The following CSMD3 variants were observed in gnomAD, a reference collection of about 807,000 sequenced individuals.
CSMD3 encodes CUB and sushi domain-containing protein 3.
Under a neutral mutation model 435.2 loss-of-function variants are expected in CSMD3, and 177 were observed. The observed-to-expected ratio is 0.41, with a 90% CI of 0.36 to 0.46. CSMD3 has a LOEUF of 0.46. CSMD3 is among the 20% of genes least tolerant of loss of function. CSMD3 has a pLI of 0.34. For synonymous variants in CSMD3, 1,656 were observed against 1,520.5 expected (o/e 1.09, Z -2.07); for missense variants, 4,265 against 4,504.6 (o/e 0.95, Z 1.52).
intron 10 of CSMD3, among the ~76,000 whole-genome samples, chr8:112,916,004 A>G (rs945942600): frequency 3.3e-5 from 5 of 151,798 alleles, no homozygotes; most frequent in African/African-American, 9.7e-5. Flanking sequence ...TCCCTTATCA[A>G]CTTACAAATA....
At chr8:112,913,878 T>C (rs1185287602) in intron 10 of CSMD3, among the ~76,000 whole-genome samples, 2 of 151,904 alleles carry the variant, frequency 1.3e-5, no homozygotes, top group Non-Finnish European at 2.9e-5. Flanking sequence ...GGTTCCTTAA[T>C]CGTCTTTGAA....
chr8:113,372,951 A>AC (rs1367965394), intron 1 of CSMD3, among the ~76,000 whole-genome samples: 1 of 151,818 alleles, frequency 6.6e-6, no homozygotes, highest in Non-Finnish European at 1.5e-5. Context: ...AAAAAAAAAA[A>AC]AAAAGAAAGA....
intron 1 of CSMD3, among the ~76,000 whole-genome samples, chr8:113,419,223 A>T (rs1355048564): frequency 6.7e-6 from 1 of 148,886 alleles, no homozygotes; most frequent in Non-Finnish European, 1.5e-5. Flanking sequence ...GATTCAATTG[A>T]TTCTCCTGCC....
intron 61 of CSMD3, among the ~76,000 whole-genome samples, chr8:112,258,701 C>T (rs909283132): frequency 4.6e-5 from 7 of 152,170 alleles, no homozygotes; most frequent in Admixed American, 1.3e-4. Flanking sequence ...AGTTCAACCA[C>T]TGTGGAAGAC....
intron 32 of CSMD3, among the ~76,000 whole-genome samples, chr8:112,467,713 G>A (rs910248150): frequency 6.6e-6 from 1 of 152,100 alleles, no homozygotes; most frequent in Non-Finnish European, 1.5e-5. Flanking sequence ...CATTATAAGA[G>A]CAAGAAAAAA....
intron 4 of CSMD3, among the ~76,000 whole-genome samples, chr8:113,164,179 G>A (rs1051000935): frequency 1.3e-5 from 2 of 151,734 alleles, no homozygotes; most frequent in Non-Finnish European, 2.9e-5. Flanking sequence ...CCTTGCTCTT[G>A]GTTTCATCTT....
intron 29 of CSMD3, among the ~76,000 whole-genome samples, chr8:112,504,885 C>G (rs1442632379): frequency 6.6e-6 from 1 of 152,078 alleles, no homozygotes; most frequent in Non-Finnish European, 1.5e-5. Flanking sequence ...GAAAAGTCAA[C>G]CAGTTTATGA....
chr8:112,552,489 A>AAAAC, intron 26 of CSMD3, 105 bp downstream of exon 26: 3 of 1,232,118 alleles, frequency 2.4e-6, no homozygotes, highest in Non-Finnish European at 3.4e-6. Flanking sequence ...TGCCTCAAGA[A>AAAAC]AAACAAACAA....
chr8:112,265,319 A>T, intron 60 of CSMD3, 92 bp downstream of exon 60: 1 of 881,962 alleles, frequency 1.1e-6, no homozygotes, highest in Non-Finnish European at 1.6e-6. Flanking sequence ...GAACTAAAAA[A>T]TTTTATTTAA....
At chr8:112,602,566 C>CAAAAAAAAAAAAA in intron 22 of CSMD3, among the ~76,000 whole-genome samples, 1 of 125,082 alleles carries the variant, frequency 8.0e-6, no homozygotes, top group Admixed American at 8.3e-5. Flanking sequence ...AACTCTGTCT[C>CAAAAAAAAAAAAA]AAAAAAAAAA....
chr8:113,126,076 G>A (rs778211066), intron 4 of CSMD3, among the ~76,000 whole-genome samples: 6 of 151,854 alleles, frequency 4.0e-5, no homozygotes, highest in Non-Finnish European at 2.9e-5. Flanking sequence ...TAATACTAAC[G>A]CACTTGAGAG....
chr8:113,142,717 T>A (rs1298089777), intron 4 of CSMD3, among the ~76,000 whole-genome samples: 1 of 151,034 alleles, frequency 6.6e-6, no homozygotes, highest in African/African-American at 2.4e-5. Context: ...AATAATTTAC[T>A]GTACATTTTA....
chr8:112,248,503 G>A (rs745332614), intron 63 of CSMD3, among the ~76,000 whole-genome samples: 29 of 152,078 alleles, frequency 1.9e-4, no homozygotes, highest in Non-Finnish European at 3.8e-4. Flanking sequence ...GATTAGAGGT[G>A]GAGGATGAGA....
At chr8:112,649,770 C>G (rs1416199904) in intron 19 of CSMD3, among the ~76,000 whole-genome samples, 2 of 152,172 alleles carry the variant, frequency 1.3e-5, no homozygotes, top group African/African-American at 2.4e-5. Context: ...GGCTGGCCTT[C>G]TATTTGAACT....
intron 38 of CSMD3, among the ~76,000 whole-genome samples, chr8:112,378,032 C>T (rs781545894): frequency 2.2e-3 from 338 of 151,936 alleles, no homozygotes; most frequent in Non-Finnish European, 3.3e-3. Context: ...AAAAGGCATC[C>T]AAGTGAAAAA....
At chr8:112,510,128 C>T (rs1352070676) in intron 28 of CSMD3, among the ~76,000 whole-genome samples, 4 of 152,136 alleles carry the variant, frequency 2.6e-5, no homozygotes, top group African/African-American at 7.2e-5. Context: ...TATTTTCAAC[C>T]GGTCCTTCTT....
chr8:113,292,851 TAAAAATATGAAAACAGAGA>T lies in CSMD3; in HGVS notation c.402-14166_402-14148del, dbSNP rs547694677. On this transcript the variant is annotated intron_variant, in intron 2 of 70. Coordinates refer to ENST00000297405, the MANE Select transcript of CSMD3 (RefSeq NM_198123.2). ...CCTAATAAAAAATGAACTAATATGT[TAAAAATATGAAAACAGAGA>T]AGGAAAAGAAGGTGGAGTGATGGGA... is the stretch of plus-strand genomic sequence containing the variant. 5.9e-5 allele frequency among the ~76,000 whole-genome samples: 9 copies of T among 151,782 alleles called. No homozygotes were observed. In the South Asian group the frequency reaches 1.9e-3, roughly 32 times the overall value.
intron 15 of CSMD3, 48 bp from the exon 16 acceptor site, chr8:112,682,684 C>T: frequency 8.2e-7 from 1 of 1,225,554 alleles, no homozygotes; most frequent in Non-Finnish European, 1.2e-6. Context: ...CAACATTAGC[C>T]AGAGAGAGAT....
intron 10 of CSMD3, among the ~76,000 whole-genome samples, chr8:112,873,686 T>C (rs2081197872): frequency 6.6e-6 from 1 of 152,110 alleles, no homozygotes; most frequent in South Asian, 2.1e-4. Context: ...CTAGATTTTC[T>C]AGTTTATTTG....
Sources: allele counts gnomAD v4.1 joint callset (sites outside exome capture counted in the v4.1 genomes callset), GRCh38; gene constraint gnomAD v4.1.1; transcripts MANE v1.5; gene names NCBI Gene and HGNC (gene_info 2026-07-23, HGNC 2026-07-21).